The following IQCH variants were observed in gnomAD, a reference collection of about 807,000 sequenced individuals.
IQCH encodes IQ domain-containing protein H.
In IQCH, 98 loss-of-function variants were observed where a neutral mutation model predicts 117.0. The observed-to-expected ratio is 0.84, with a 90% confidence interval of 0.71 to 0.99. The LOEUF is 0.99. IQCH is among the 50% of genes least tolerant of loss of function. The pLI is 0.00. For missense variants in IQCH, 1,102 were observed against 1,243.8 expected, an observed-to-expected ratio of 0.89 and a Z score of 1.72; for synonymous variants, 412 against 448.2, an observed-to-expected ratio of 0.92 and a Z score of 1.02.
At chr15:67,371,515 A>C in intron 8 of IQCH, 1 of 1,587,140 alleles carries the variant, frequency 6.3e-7, no homozygotes, top group South Asian at 1.1e-5. Context: ...GTGTCAAGAG[A>C]AACCTAAGAA....
rs773103255 is a variant in IQCH at position 67,417,007 on chromosome 15, G to C, written c.2174G>C (p.Arg725Pro). Reference sequence around the variant, plus strand: ...CACGCACAGCCAGTCAATGAGAAACGGTTCCCGACGTGGAGGAAATTCCTC... The same window carrying C: ...CACGCACAGCCAGTCAATGAGAAACCGTTCCCGACGTGGAGGAAATTCCTC... ...AQHAQPVNEKRFPTWRKFLQT... is the reference protein window; with the variant it reads ...AQHAQPVNEKPFPTWRKFLQT... Residue 725 changes from arginine (R) to proline (P), a missense_variant, in exon 15 of 21, where the codon CGG (arginine) becomes CCG (proline). Coordinates refer to ENST00000335894, the MANE Select transcript of IQCH (RefSeq NM_001031715.3). This position sits in a 1 kb window ranked among gnomAD's most constrained non-coding sequence, Gnocchi z 4.3. The C allele has an allele frequency of 6.2e-7, 1 of 1,610,720 alleles. No homozygotes were observed. Among genetic ancestry groups the C allele is most frequent in the African/African-American group, 1.3e-5 (1 of 74,758 alleles).
chr15:67,350,405 G>A (rs543084554), intron 6 of IQCH, among the ~76,000 whole-genome samples: 6 of 152,088 alleles, frequency 3.9e-5, no homozygotes, highest in African/African-American at 1.4e-4. Context: ...ATTTTGGCAG[G>A]TATTGGAATT....
At chr15:67,341,695 C>T (rs1969183814) in intron 5 of IQCH, among the ~76,000 whole-genome samples, 2 of 151,848 alleles carry the variant, frequency 1.3e-5, no homozygotes, top group Admixed American at 1.3e-4. Context: ...ATAAAATGAA[C>T]ACATGTCAAA....
intron 4 of IQCH, among the ~76,000 whole-genome samples, chr15:67,318,589 CT>C (rs1477393234): frequency 2.0e-5 from 3 of 152,252 alleles, no homozygotes; most frequent in South Asian, 2.1e-4. Context: ...CAAAAGGCCT[CT>C]TTTTTTCCCC....
Position 67,390,834 on chromosome 15 carries a change from T to A in IQCH, c.1632+1828T>A, listed in dbSNP as rs1596301939. 6.6e-6 allele frequency among the ~76,000 whole-genome samples: 1 copy of A among 152,318 alleles called. No homozygotes were observed. Among genetic ancestry groups the A allele is most frequent in the East Asian group, 1.9e-4 (1 of 5,182 alleles). On this transcript the variant is annotated intron_variant, in intron 12 of 20. Transcript: ENST00000335894. This position sits in a 1 kb window ranked among gnomAD's most constrained non-coding sequence, Gnocchi z 5.0. ...AGAAGAATGCATCAAGATGGAAAGA[T>A]AGCTCTTTTTACCTATCTCCGTTTA...
chr15:67,438,793 G>A (rs2082197494), intron 16 of IQCH, among the ~76,000 whole-genome samples: 1 of 152,170 alleles, frequency 6.6e-6, no homozygotes, highest in African/African-American at 2.4e-5. Flanking sequence ...TAAAGCAACA[G>A]CAGTTAAGAG....
intron 18 of IQCH, among the ~76,000 whole-genome samples, chr15:67,483,998 A>T (rs907154006): frequency 2.0e-5 from 3 of 152,236 alleles, no homozygotes; most frequent in African/African-American, 7.2e-5. Flanking sequence ...CTTCCAGTGG[A>T]GACTTCAAAA....
rs1197041120 is a variant in IQCH at position 67,475,550 on chromosome 15, G to A, written c.2677-146G>A. On this transcript the variant is annotated intron_variant, in intron 17 of 20. Transcript: ENST00000335894. This position sits in a 1 kb window ranked among gnomAD's most constrained non-coding sequence, Gnocchi z 5.7. ...GTTGTGACAAATGTACCACAGCAAT[G>A]TAAGATGTTAACAATAGGAGAACTG... 3.2e-6 allele frequency: 2 copies of A among 630,460 alleles called. No individual in the cohort carries two copies. The highest frequency in any genetic ancestry group is 5.5e-6 in the Non-Finnish European group (2 of 362,746). The allele number at this position is 630,460 out of a possible 1,614,324, so 39.1% of individuals were successfully genotyped here.
rs2083419153 is a variant in IQCH at position 67,484,445 on chromosome 15, CAG to C, written c.2800-5557_2800-5556del. On this transcript the variant is annotated intron_variant, in intron 18 of 20. Transcript: ENST00000335894. ...TTTAAATACAAAAATAAAATAAAAT[CAG>C]GGGCTGGGCGCTGTGGCTCATCCCT... is the stretch of plus-strand genomic sequence containing the variant. Among the ~76,000 whole-genome samples the C allele has an allele frequency of 3.3e-5, 5 of 150,218 alleles. No individual in the cohort carries two copies. In the South Asian group the frequency reaches 1.1e-3, roughly 32 times the overall value.
chr15:67,381,213 T>C lies in IQCH; in HGVS notation c.1373-3723T>C, dbSNP rs141834064. ...CAAAGAGGCAATTAGTGTCATCTGA[T>C]AGATGTTTATGCAGAAAGGGACTGG... is the stretch of plus-strand genomic sequence containing the variant. On this transcript the variant is annotated intron_variant, in intron 10 of 20. Coordinates refer to ENST00000335894, the MANE Select transcript of IQCH (RefSeq NM_001031715.3). The surrounding 1 kb of genome is among the most constrained non-coding windows in gnomAD (Gnocchi z 5.1). Among the ~76,000 whole-genome samples the C allele has an allele frequency of 3.0e-4, 45 of 152,250 alleles. No homozygotes were observed. The East Asian group carries it at 8.7e-3, about 29-fold the overall frequency.
chr15:67,272,860 A>C (rs554037718), intron 3 of IQCH, among the ~76,000 whole-genome samples: 1 of 152,142 alleles, frequency 6.6e-6, no homozygotes, highest in East Asian at 1.9e-4. Context: ...TGTTTCTTTT[A>C]TCCATTCAGC....
intron 18 of IQCH, among the ~76,000 whole-genome samples, chr15:67,477,894 G>C (rs551940746): frequency 1.3e-5 from 2 of 152,324 alleles, no homozygotes; most frequent in Non-Finnish European, 1.5e-5. Flanking sequence ...TTTGACTGAA[G>C]TTCAAGTACC....
intron 4 of IQCH, among the ~76,000 whole-genome samples, chr15:67,332,130 C>T (rs574679325): frequency 6.6e-6 from 1 of 151,836 alleles, no homozygotes; most frequent in East Asian, 1.9e-4. Flanking sequence ...AAAGGGTATT[C>T]GATAATATAA....
chr15:67,424,611 G>A lies in IQCH; in HGVS notation c.2505+3034G>A, dbSNP rs1020622354. 4.6e-5 allele frequency among the ~76,000 whole-genome samples: 7 copies of A among 152,188 alleles called. No individual in the cohort carries two copies. Among genetic ancestry groups the A allele is most frequent in the Non-Finnish European group, 1.0e-4 (7 of 68,038 alleles). ...TTGTTGACTGAATGAATGAACAATG[G>A]AGGAGTTCTAGCAGATGCTGGATGG... On this transcript the variant is annotated intron_variant, in intron 16 of 20. Coordinates refer to ENST00000335894, the MANE Select transcript of IQCH (RefSeq NM_001031715.3). This position sits in a 1 kb window ranked among gnomAD's most constrained non-coding sequence, Gnocchi z 4.9.
rs1482561905 is a variant in IQCH, at chr15:67,465,136, A to C, written c.2515A>C (p.Thr839Pro). ...CTCCTGTTTTAATCAGGTGTGGGCA[A>C]CCGGCCTTAACCTCGCATATAGTGA... Reference protein sequence around the residue: ...PSTLEQQVWATGLNLAYSDQL... With the variant: ...PSTLEQQVWAPGLNLAYSDQL... Residue 839 changes from threonine to proline, a missense_variant, in exon 17 of 21, where the codon ACC (threonine) becomes CCC (proline). Thr to Pro is a conservative substitution (Grantham distance 38, BLOSUM62 -1). Coordinates refer to ENST00000335894, the MANE Select transcript of IQCH (RefSeq NM_001031715.3). The surrounding 1 kb of genome is among the most constrained non-coding windows in gnomAD (Gnocchi z 5.9). 1.2e-6 allele frequency: 2 copies of C among 1,613,846 alleles called. No individual in the cohort carries two copies. The highest frequency in any genetic ancestry group is 2.7e-5 in the African/African-American group (2 of 74,906).
At position 67,279,403 on chromosome 15, in the gene IQCH, C is replaced by A. The variant is rs769079574; in HGVS notation, c.278C>A (p.Pro93Gln). 6.4e-7 allele frequency: 1 copy of A among 1,573,056 alleles called. No individual in the cohort carries two copies. The highest frequency in any genetic ancestry group is 2.3e-5 in the East Asian group (1 of 44,156). The part of the protein sequence containing the change: ...YTPQASKWLL[P>Q]TVIDQKSFIF... ...CATTTCTTCTTACTTAGGTTACTTC[C>A]AACTGTAATTGATCAGAAATCATTT... The change falls in exon 4 of 21, where the codon CCA (proline) becomes CAA (glutamine). Residue 93 changes from proline to glutamine, a missense_variant. Pro to Gln is a moderately conservative substitution (Grantham distance 76). Transcript: ENST00000335894.
chr15:67,355,431 CA>C (rs949198325), intron 6 of IQCH, among the ~76,000 whole-genome samples: 41 of 150,662 alleles, frequency 2.7e-4, no homozygotes, highest in Non-Finnish European at 6.1e-4. Flanking sequence ...CCAAAAAATA[CA>C]AAAAAAAATT....
intron 20 of IQCH, among the ~76,000 whole-genome samples, chr15:67,497,256 G>C (rs568415888): frequency 6.6e-6 from 1 of 151,816 alleles, no homozygotes; most frequent in South Asian, 2.1e-4. Context: ...GCCTGAGTCA[G>C]GTAGGTTGAG....
rs115634290 is a variant in IQCH at position 67,465,285 on chromosome 15, G to T, written c.2664G>T (p.Ala888=). 2 of 1,613,480 alleles carry T rather than the reference G, an allele frequency of 1.2e-6. No homozygotes were observed. The highest frequency in any genetic ancestry group is 3.3e-5 in the Admixed American group (2 of 59,990). Residue 888 remains alanine, a synonymous_variant, in exon 17 of 21, where the codon GCG becomes GCT. Coordinates refer to ENST00000335894, the MANE Select transcript of IQCH (RefSeq NM_001031715.3). The surrounding 1 kb of genome is among the most constrained non-coding windows in gnomAD (Gnocchi z 5.9). ...KERKKTKCMS[A]LSMPMLATSR... is the part of the protein sequence containing the mutation. ...GGAAGAAAACCAAATGCATGAGTGC[G>T]CTGTCAATGCCGGTAAGCAAGAGGT... is the stretch of plus-strand genomic sequence containing the variant.
Sources: gnomAD v4.1 joint callset for allele counts (sites outside exome capture counted in the v4.1 genomes callset) on GRCh38, gnomAD v4.1.1 for gene constraint, Gnocchi (gnomAD v3.1) non-coding constraint, MANE v1.5 for transcripts, NCBI Gene and HGNC (gene_info 2026-07-23, HGNC 2026-07-21) for gene names.